GAS7: variants seen among roughly 807,000 people sequenced by gnomAD.
GAS7 encodes the protein growth arrest-specific protein 7.
GAS7 carries 28 observed loss-of-function variants against 71.1 expected under a neutral mutation model. The ratio of observed to expected loss-of-function variants is 0.39; its 90% CI spans 0.29 to 0.54. The LOEUF is 0.54. Among genes scored for constraint, GAS7 ranks in the 20% least tolerant of loss-of-function variants. GAS7 has a pLI of 0.62. For missense variants in GAS7, 436 were observed against 627.8 expected (o/e 0.69, Z 3.27); for synonymous variants, 258 against 245.8 (o/e 1.05, Z -0.46).
intron 1 of GAS7, among the ~76,000 whole-genome samples, chr17:10,185,410 G>C (rs1442854451): frequency 6.6e-6 from 1 of 152,140 alleles, no homozygotes; most frequent in Non-Finnish European, 1.5e-5. Context: ...TCCACTTATG[G>C]AGTGTGTACA....
intron 1 of GAS7, among the ~76,000 whole-genome samples, chr17:10,040,589 C>G (rs544361242): frequency 8.2e-5 from 12 of 145,572 alleles, no homozygotes; most frequent in African/African-American, 3.0e-4. Flanking sequence ...TTCTTTCTCT[C>G]TCCCCCCTCT....
chr17:9,938,470 CAA>C (rs34813185), intron 8 of GAS7, among the ~76,000 whole-genome samples: 8,710 of 64,698 alleles, frequency 0.13, 157 homozygotes, highest in South Asian at 0.19. Flanking sequence ...GACTCTGTCT[CAA>C]AAAAAAAAAA....
rs139385425 is a variant in GAS7 at position 10,022,020 on chromosome 17, G to A, written c.184-2123C>T. ...CGCTTGTAATCCTAGCACTTTGGGAGGCCGAGGTGGAAGAATGGCTTGAGC... is the reference window on the plus strand; with the variant it reads ...CGCTTGTAATCCTAGCACTTTGGGAAGCCGAGGTGGAAGAATGGCTTGAGC... On this transcript the variant is annotated intron_variant, in intron 1 of 13. Transcript: ENST00000432992. Among the ~76,000 whole-genome samples, 637 of 152,270 alleles carry A rather than the reference G, an allele frequency of 4.2e-3. 2 individuals carry two copies. The highest frequency in any genetic ancestry group is 0.015 in the African/African-American group (606 of 41,544).
rs1266122099 is a variant in GAS7, at chr17:10,034,110, C to G, written c.184-14213G>C. ...CCTTGCTATGGAGATGTGAGACCTA[C>G]CACTGCTCTGTGCCACCGTGCGAAG... is the stretch of plus-strand genomic sequence containing the variant. On this transcript the variant is annotated intron_variant, in intron 1 of 13. Transcript: ENST00000432992. This position sits in a 1 kb window ranked among gnomAD's most constrained non-coding sequence, Gnocchi z 4.4. The G allele has an allele frequency of 1.0e-6, 1 of 984,982 alleles. No homozygotes were observed. The highest frequency in any genetic ancestry group is 1.2e-6 in the Non-Finnish European group (1 of 829,676). The allele number at this position is 984,982 out of a possible 1,614,324, so 61.0% of individuals were successfully genotyped here.
chr17:10,097,007 C>T (rs564967558), intron 1 of GAS7, among the ~76,000 whole-genome samples: 14 of 152,318 alleles, frequency 9.2e-5, no homozygotes, highest in African/African-American at 2.9e-4. Context: ...AAAAACACAA[C>T]AAATACCCCA....
At chr17:10,064,729 A>G (rs566106888) in intron 1 of GAS7, among the ~76,000 whole-genome samples, 1 of 148,756 alleles carries the variant, frequency 6.7e-6, no homozygotes, top group South Asian at 2.1e-4. Context: ...AATCAGAGAT[A>G]GAGAAACATC....
At chr17:10,080,700 G>A (rs577092205) in intron 1 of GAS7, among the ~76,000 whole-genome samples, 2 of 152,296 alleles carry the variant, frequency 1.3e-5, no homozygotes, top group African/African-American at 2.4e-5. Flanking sequence ...ATCTCAAAAC[G>A]TAGTGCCATT....
intron 4 of GAS7, among the ~76,000 whole-genome samples, chr17:9,967,352 G>C (rs1214888941): frequency 1.3e-5 from 2 of 152,104 alleles, no homozygotes; most frequent in African/African-American, 4.8e-5. Context: ...CTTCTTTGCT[G>C]TGGTGTCCCA....
rs369570325 is a variant in GAS7, at chr17:9,919,718, C to A, written c.1139-13G>T. 6.3e-7 allele frequency: 1 copy of A among 1,593,192 alleles called. No homozygotes were observed. The highest frequency in any genetic ancestry group is 8.6e-7 in the Non-Finnish European group (1 of 1,160,980). On this transcript the variant is annotated splice_polypyrimidine_tract_variant and intron_variant, in intron 11 of 13. Coordinates refer to ENST00000432992, the MANE Select transcript of GAS7 (RefSeq NM_201433.2). This position sits in a 1 kb window ranked among gnomAD's most constrained non-coding sequence, Gnocchi z 5.0. ...ATGAGGTCGTCTCCTGGAAAAAGAC[C>A]ACAGTCACCATCATGAAGCATCCTA...
chr17:10,134,836 CTT>C (rs34031588), intron 1 of GAS7, among the ~76,000 whole-genome samples: 5 of 144,884 alleles, frequency 3.5e-5, no homozygotes, highest in African/African-American at 2.5e-5. Context: ...TTTACATCCA[CTT>C]TTTTTTTTTT....
At chr17:10,112,109 G>A (rs1340554426) in intron 1 of GAS7, among the ~76,000 whole-genome samples, 1 of 152,226 alleles carries the variant, frequency 6.6e-6, no homozygotes, top group African/African-American at 2.4e-5. Context: ...TGTGCTGCCT[G>A]AGGGCATCTC....
At chr17:9,995,496 T>C (rs953672435) in intron 2 of GAS7, among the ~76,000 whole-genome samples, 1 of 144,778 alleles carries the variant, frequency 6.9e-6, no homozygotes, top group African/African-American at 2.6e-5. Flanking sequence ...GCAAAGAACA[T>C]ATACAGGTGA....
intron 1 of GAS7, among the ~76,000 whole-genome samples, chr17:10,112,789 A>G (rs1273071262): frequency 8.6e-5 from 13 of 151,874 alleles, no homozygotes; most frequent in East Asian, 5.8e-4. Flanking sequence ...GAGAAAGAGA[A>G]AGAAAGAAAA....
intron 1 of GAS7, among the ~76,000 whole-genome samples, chr17:10,195,884 G>GC (rs1009223072): frequency 6.6e-6 from 1 of 152,082 alleles, no homozygotes; most frequent in Non-Finnish European, 1.5e-5. Context: ...TGACCCACAT[G>GC]CCCCCCTGTT....
intron 1 of GAS7, among the ~76,000 whole-genome samples, chr17:10,128,821 G>C (rs938610939): frequency 6.8e-6 from 1 of 146,494 alleles, no homozygotes; most frequent in African/African-American, 2.5e-5. Flanking sequence ...GGTTTTCACC[G>C]TGTTAGCCAG....
At chr17:9,958,837 A>C (rs1418670652) in intron 5 of GAS7, 1 of 331,714 alleles carries the variant, frequency 3.0e-6, no homozygotes, top group African/African-American at 2.2e-5. Context: ...CCCCGCACAA[A>C]AGCAACCCTG....
intron 1 of GAS7, among the ~76,000 whole-genome samples, chr17:10,100,256 A>T (rs2073685737): frequency 6.6e-6 from 1 of 152,232 alleles, no homozygotes; most frequent in Non-Finnish European, 1.5e-5. Flanking sequence ...AGCACAGATG[A>T]TCAAAAACAT....
chr17:10,105,038 T>C (rs561612368), intron 1 of GAS7, among the ~76,000 whole-genome samples: 1 of 152,350 alleles, frequency 6.6e-6, no homozygotes, highest in African/African-American at 2.4e-5. Context: ...CACCTTACAC[T>C]GTTTTCTGCT....
At chr17:10,096,442 G>A (rs921978786) in intron 1 of GAS7, among the ~76,000 whole-genome samples, 31 of 152,176 alleles carry the variant, frequency 2.0e-4, no homozygotes, top group African/African-American at 7.2e-4. Context: ...CAAAATCCAA[G>A]CACAAGTCCT....
Sources: gnomAD v4.1 joint callset for allele counts (sites outside exome capture counted in the v4.1 genomes callset) on GRCh38, gnomAD v4.1.1 for gene constraint, Gnocchi (gnomAD v3.1) non-coding constraint, MANE v1.5 for transcripts, NCBI Gene and HGNC (gene_info 2026-07-23, HGNC 2026-07-21) for gene names.